The following ARHGDIB variants were observed in gnomAD, a reference collection of about 807,000 sequenced individuals.
ARHGDIB encodes the protein rho GDP-dissociation inhibitor 2.
ARHGDIB carries 20 observed loss-of-function variants against 22.6 expected under a neutral mutation model. The observed-to-expected ratio is 0.88, with a 90% CI of 0.62 to 1.28. The LOEUF (loss-of-function observed/expected upper bound fraction) is 1.28. Among genes scored for constraint, ARHGDIB ranks in the 50% most tolerant of loss-of-function variants. ARHGDIB has a pLI of 0.00. For synonymous variants in ARHGDIB, 114 were observed against 96.1 expected (o/e 1.19, Z -1.09); for missense variants, 254 against 245.4 (o/e 1.04, Z -0.23).
chr12:14,945,585 A>T (rs1863994902), intron 4 of ARHGDIB, among the ~76,000 whole-genome samples: 1 of 152,252 alleles, frequency 6.6e-6, no homozygotes, highest in South Asian at 2.1e-4. Context: ...ATGTCTATAC[A>T]AACAAATTAA....
At chr12:14,949,986 C>A in intron 2 of ARHGDIB, 101 bp from the exon 3 acceptor site, 1 of 1,060,730 alleles carries the variant, frequency 9.4e-7, no homozygotes, top group Non-Finnish European at 1.4e-6. Context: ...TAAAAGTGAT[C>A]TTTCTATCTG....
At chr12:14,946,733 G>A (rs912353143) in intron 4 of ARHGDIB, among the ~76,000 whole-genome samples, 5 of 152,134 alleles carry the variant, frequency 3.3e-5, no homozygotes, top group Admixed American at 6.5e-5. Context: ...TCTTAGTCAC[G>A]TCAAAATTTA....
At position 14,942,347 on chromosome 12, in the gene ARHGDIB, A is replaced by T; in HGVS notation, c.*175T>A. 1.4e-6 allele frequency: 1 copy of T among 698,344 alleles called. No individual in the cohort carries two copies. Among genetic ancestry groups the T allele is most frequent in the Non-Finnish European group, 2.4e-6 (1 of 420,620 alleles). The allele number at this position is 698,344 out of a possible 1,614,324, so 43.3% of individuals were successfully genotyped here. On this transcript the variant is annotated 3_prime_UTR_variant, in exon 6 of 6. Coordinates refer to ENST00000228945, the MANE Select transcript of ARHGDIB (RefSeq NM_001175.7). The stretch of plus-strand genomic sequence containing the variant: ...GCAGGTTGGGTGAAAGCCCGGTTTT[A>T]AGCCTCTTGTTCTAGGGACCACGTT...
chr12:14,943,377 G>GTTTTTTTTTTTTTTTTT (rs10713403), intron 5 of ARHGDIB, among the ~76,000 whole-genome samples: 3 of 143,888 alleles, frequency 2.1e-5, no homozygotes, highest in African/African-American at 7.8e-5. Flanking sequence ...GATTAAGCCT[G>GTTTTTTTTTTTTTTTTT]TTTTTTTTTT....
At chr12:14,957,720 A>G (rs1565465846) in intron 1 of ARHGDIB, among the ~76,000 whole-genome samples, 1 of 152,142 alleles carries the variant, frequency 6.6e-6, no homozygotes, top group Non-Finnish European at 1.5e-5. Context: ...TACCACAGAG[A>G]CTTAACTCAC....
rs764609149 is a variant in ARHGDIB, at chr12:14,942,739, T to C, written c.407-18A>G. 1.2e-6 allele frequency: 2 copies of C among 1,610,610 alleles called. No homozygotes were observed. Among genetic ancestry groups the C allele is most frequent in the Admixed American group, 1.7e-5 (1 of 59,958 alleles). On this transcript the variant is annotated intron_variant, in intron 5 of 5. Coordinates refer to ENST00000228945, the MANE Select transcript of ARHGDIB (RefSeq NM_001175.7). ...TTTATCCACTAAGAAGAAAGAAGAGTTCATTAGGGTAAGAGCCTGATAGAG... is the reference window on the plus strand; with the variant it reads ...TTTATCCACTAAGAAGAAAGAAGAGCTCATTAGGGTAAGAGCCTGATAGAG...
chr12:14,946,808 T>G (rs1383026600), intron 4 of ARHGDIB, among the ~76,000 whole-genome samples: 1 of 152,206 alleles, frequency 6.6e-6, no homozygotes, highest in Non-Finnish European at 1.5e-5. Context: ...ATAGCATCAA[T>G]GATTAAAAAT....
intron 1 of ARHGDIB, chr12:14,956,222 G>T (rs1387677745): frequency 3.3e-5 from 5 of 152,208 alleles, no homozygotes; most frequent in Non-Finnish European, 4.4e-5. Flanking sequence ...AAGCTCTGCA[G>T]AGACAGCTTT....
At chr12:14,949,969 A>G in intron 2 of ARHGDIB, 84 bp from the exon 3 acceptor site, 1 of 1,210,502 alleles carries the variant, frequency 8.3e-7, no homozygotes, top group Non-Finnish European at 1.2e-6. Context: ...GACAGAGAGT[A>G]TGAAAATAAA....
intron 1 of ARHGDIB, among the ~76,000 whole-genome samples, chr12:14,954,134 T>A (rs1864247189): frequency 6.6e-6 from 1 of 152,058 alleles, no homozygotes; most frequent in South Asian, 2.1e-4. Flanking sequence ...ACATGCCACC[T>A]GCCTGGCTAA....
At chr12:14,946,804 T>C (rs1864026193) in intron 4 of ARHGDIB, among the ~76,000 whole-genome samples, 1 of 152,192 alleles carries the variant, frequency 6.6e-6, no homozygotes, top group South Asian at 2.1e-4. Context: ...TGCAATAGCA[T>C]CAATGATTAA....
Position 14,944,810 on chromosome 12 carries a change from T to C in ARHGDIB, c.372A>G (p.Lys124=), listed in dbSNP as rs201394080. ...KVNRDIVSGL[K]YVQHTYRTGV... is the part of the protein sequence containing the mutation. ...CAGTCCTGTAGGTGTGCTGAACGTA[T>C]TTCAGGCCTGACACAATATCCCTGT... is the stretch of plus-strand genomic sequence containing the variant. The change falls in exon 5 of 6, where the codon AAA becomes AAG. Residue 124 remains lysine (K), a synonymous_variant. Transcript: ENST00000228945. 26 of 1,613,714 alleles carry C rather than the reference T, an allele frequency of 1.6e-5. No individual in the cohort carries two copies. Among genetic ancestry groups the C allele is most frequent in the Middle Eastern group, 1.6e-4 (1 of 6,062 alleles).
chr12:14,952,953 A>G (rs1287342014), intron 1 of ARHGDIB, among the ~76,000 whole-genome samples: 2 of 152,282 alleles, frequency 1.3e-5, no homozygotes, highest in Admixed American at 1.3e-4. Flanking sequence ...TCAAATCTCA[A>G]TGTTGAAAAG....
intron 3 of ARHGDIB, 133 bp from the exon 4 acceptor site, chr12:14,948,082 T>G (rs1864067048): frequency 1.5e-6 from 1 of 652,724 alleles, no homozygotes; most frequent in African/African-American, 1.9e-5. Flanking sequence ...ATTCACAGAG[T>G]ATTTGAGTTT....
intron 1 of ARHGDIB, among the ~76,000 whole-genome samples, chr12:14,958,555 G>A (rs1864347209): frequency 6.6e-6 from 1 of 152,176 alleles, no homozygotes; most frequent in South Asian, 2.1e-4. Context: ...GCTTTGCTGA[G>A]TGCCCAACGT....
intron 5 of ARHGDIB, 42 bp from the exon 6 acceptor site, chr12:14,942,763 AG>A (rs2120662014): frequency 6.4e-7 from 1 of 1,572,190 alleles, no homozygotes; most frequent in South Asian, 1.1e-5. Flanking sequence ...AGCCTGATAG[AG>A]GAAAAACATA....
rs568417535 is a variant in ARHGDIB at position 14,942,724 on chromosome 12, A to G, written c.407-3T>C. 6 of 1,613,326 alleles carry G rather than the reference A, an allele frequency of 3.7e-6. No homozygotes were observed. In the South Asian group the frequency reaches 4.4e-5, roughly 12 times the overall value. On this transcript the variant is annotated splice_region_variant and splice_polypyrimidine_tract_variant and intron_variant, in intron 5 of 5. Coordinates refer to ENST00000228945, the MANE Select transcript of ARHGDIB (RefSeq NM_001175.7). ...AACCATAAATGTTGCTTTATCCACT[A>G]AGAAGAAAGAAGAGTTCATTAGGGT...
chr12:14,961,438 A>C (rs1035467471), intron 1 of ARHGDIB, 99 bp downstream of exon 1: 1 of 152,184 alleles, frequency 6.6e-6, no homozygotes, highest in African/African-American at 2.4e-5. Context: ...CCCCTCTAAA[A>C]AAATAATAAA....
rs973177864 is a variant in ARHGDIB at position 14,942,369 on chromosome 12, C to T, written c.*153G>A. The T allele has an allele frequency of 3.5e-5, 29 of 833,044 alleles. No homozygotes were observed. Among genetic ancestry groups the T allele is most frequent in the African/African-American group, 5.0e-5 (3 of 59,542 alleles). 51.6% of individuals were successfully genotyped at this position (833,044 alleles called of 1,614,324 possible). On this transcript the variant is annotated 3_prime_UTR_variant, in exon 6 of 6. Transcript: ENST00000228945. Reference sequence around the variant, plus strand: ...TTTAAGCCTCTTGTTCTAGGGACCACGTTGAGTGACAGGGTGGGAAAAGAT... The same window carrying T: ...TTTAAGCCTCTTGTTCTAGGGACCATGTTGAGTGACAGGGTGGGAAAAGAT...
Sources: allele counts gnomAD v4.1 joint callset (sites outside exome capture counted in the v4.1 genomes callset), GRCh38; gene constraint gnomAD v4.1.1; transcripts MANE v1.5; gene names NCBI Gene and HGNC (gene_info 2026-07-23, HGNC 2026-07-21).